Variants in CXADR observed in about 807,000 individuals in gnomAD.
The protein encoded by CXADR is CXADR cell adhesion molecule.
A neutral mutation model predicts 40.3 loss-of-function variants in CXADR; 20 were observed. The ratio of observed to expected loss-of-function variants is 0.50; its 90% CI spans 0.35 to 0.72. The LOEUF (loss-of-function observed/expected upper bound fraction) is 0.72, where lower values mean the gene tolerates loss of function less well. Ranked by LOEUF, CXADR falls within the 30% of genes least tolerant of loss-of-function variation. CXADR has a pLI of 0.01. For missense variants in CXADR, 332 were observed against 449.1 expected (o/e 0.74, Z 2.36); for synonymous variants, 150 against 161.3 (o/e 0.93, Z 0.53).
chr21:17,535,755 C>G (rs2060746943), intron 1 of CXADR, among the ~76,000 whole-genome samples: 1 of 152,156 alleles, frequency 6.6e-6, no homozygotes, highest in East Asian at 1.9e-4. Context: ...ACCTGTACTC[C>G]CAGCATTTTG....
Position 17,548,613 on chromosome 21 carries a change from G to A in CXADR, c.210+1420G>A, listed in dbSNP as rs75929524. 3.5e-3 allele frequency among the ~76,000 whole-genome samples: 529 copies of A among 151,972 alleles called. 16 individuals carry two copies. The East Asian group carries it at 0.076, about 22-fold the overall frequency. On this transcript the variant is annotated intron_variant, in intron 2 of 6. Transcript: ENST00000284878. ...CTTTAGAGCCCAGGACTCTGATCCT[G>A]TGCGTAAGATAGGGGAAGCCTAGGA...
At chr21:17,614,323 C>G in the CXADR span, among the ~76,000 whole-genome samples, 1 of 152,132 alleles carries the variant, frequency 6.6e-6, no homozygotes, top group East Asian at 1.9e-4. Flanking sequence ...CCAGAAATTT[C>G]TATAGTTTAG....
chr21:17,621,131 A>G, the CXADR span, among the ~76,000 whole-genome samples: 4 of 152,328 alleles, frequency 2.6e-5, no homozygotes, highest in East Asian at 5.8e-4. Flanking sequence ...ACATCTAGCA[A>G]TCTGGATGTG....
chr21:17,597,338 C>G (rs962479215), downstream of CXADR, among the ~76,000 whole-genome samples: 15 of 151,770 alleles, frequency 9.9e-5, no homozygotes, highest in African/African-American at 3.6e-4. Context: ...TGGATGAATT[C>G]CAGAAAATTC....
At position 17,569,701 on chromosome 21, in the gene CXADR, A is replaced by G. The variant is rs2061260125; in HGVS notation, c.*4009A>G. The G allele has an allele frequency of 1.0e-6, 1 of 965,446 alleles. No individual in the cohort carries two copies. Among genetic ancestry groups the G allele is most frequent in the Non-Finnish European group, 1.2e-6 (1 of 811,994 alleles). 59.8% of individuals were successfully genotyped at this position (965,446 alleles called of 1,614,324 possible). A position where few individuals can be genotyped will look rare whatever the true frequency, so the allele number is the denominator to read the frequency against. ...TCATTATGGTTAACTTTTATAATTT[A>G]TCTTATTTTATAATTTAAGAATATA... is the stretch of plus-strand genomic sequence containing the variant. On this transcript the variant is annotated 3_prime_UTR_variant, in exon 7 of 7. Transcript: ENST00000284878.
At chr21:17,610,901 A>G in the CXADR span, among the ~76,000 whole-genome samples, 1 of 152,200 alleles carries the variant, frequency 6.6e-6, no homozygotes, top group Non-Finnish European at 1.5e-5. Context: ...AAATTCAAAC[A>G]AGGAACCTCA....
At chr21:17,609,919 ACAAT>A in the CXADR span, among the ~76,000 whole-genome samples, 2 of 152,352 alleles carry the variant, frequency 1.3e-5, no homozygotes, top group South Asian at 2.1e-4. Flanking sequence ...AAAAGTAAAA[ACAAT>A]CTATATGTTT....
rs151316541 is a variant in CXADR at position 17,593,183 on chromosome 21, C to T, written c.1049C>T (p.Thr350Ile). 2.1e-6 allele frequency: 3 copies of T among 1,461,400 alleles called. No homozygotes were observed. In the East Asian group the frequency reaches 7.6e-5, roughly 37 times the overall value. 90.5% of individuals were successfully genotyped at this position (1,461,400 alleles called of 1,614,324 possible). A position where few individuals can be genotyped will look rare whatever the true frequency, so the allele number is the denominator to read the frequency against. The stretch of plus-strand genomic sequence containing the variant: ...TACCCTTACAAGACTGATGGAATTA[C>T]AGTTGTATAAATATGGACTACTGAA... The change falls in exon 8 of 8, where the codon ACA becomes ATA. Residue 350 changes from threonine (T) to isoleucine (I), a missense_variant. Physicochemically the swap from Thr to Ile is moderately conservative, Grantham distance 89. Transcript: ENST00000400169.
chr21:17,566,102 CATTT>C lies in CXADR; in HGVS notation c.*417_*420del, dbSNP rs968098094. ...ACCATTATTTTTAGGATGTGTATTT[CATTT>C]ATTTATGGCCCACCAGTCTCCCCCA... On this transcript the variant is annotated 3_prime_UTR_variant, in exon 7 of 7. Transcript: ENST00000284878. 2.0e-6 allele frequency: 2 copies of C among 983,362 alleles called. No individual in the cohort carries two copies. The highest frequency in any genetic ancestry group is 3.5e-5 in the African/African-American group (2 of 57,204). The allele number at this position is 983,362 out of a possible 1,614,324, so 60.9% of individuals were successfully genotyped here. A position where few individuals can be genotyped will look rare whatever the true frequency, so the allele number is the denominator to read the frequency against.
intron 1 of CXADR, among the ~76,000 whole-genome samples, chr21:17,526,364 A>T (rs116583682): frequency 0.015 from 2,319 of 152,160 alleles, 58 homozygotes; most frequent in African/African-American, 0.052. Context: ...CTTATTTCTT[A>T]CTTAATCTCT....
chr21:17,582,747 C>T (rs977339262), intron 7 of CXADR, among the ~76,000 whole-genome samples: 2 of 152,150 alleles, frequency 1.3e-5, no homozygotes, highest in Non-Finnish European at 2.9e-5. Context: ...TTCAAGTTGT[C>T]GGAATTTTTG....
chr21:17,629,763 G>A, the CXADR span, among the ~76,000 whole-genome samples: 1 of 152,204 alleles, frequency 6.6e-6, no homozygotes, highest in Non-Finnish European at 1.5e-5. Context: ...CTTGAGCCCA[G>A]GAGTTTGAGA....
chr21:17,600,686 TA>T, the CXADR span, among the ~76,000 whole-genome samples: 1 of 151,478 alleles, frequency 6.6e-6, no homozygotes. Context: ...AACAAAAAAT[TA>T]AAAAAACAGA....
chr21:17,609,262 T>C, the CXADR span: 4 of 1,045,546 alleles, frequency 3.8e-6, no homozygotes, highest in South Asian at 5.1e-5. Flanking sequence ...CTTCCAATTT[T>C]ATCTTGTATT....
chr21:17,541,589 C>T (rs984385456), intron 1 of CXADR, among the ~76,000 whole-genome samples: 5 of 149,288 alleles, frequency 3.3e-5, no homozygotes, highest in African/African-American at 1.2e-4. Flanking sequence ...ACCTATTCTC[C>T]TCTTCCCTCT....
intron 1 of CXADR, among the ~76,000 whole-genome samples, chr21:17,532,080 A>AC (rs779359217): frequency 1.3e-5 from 2 of 151,874 alleles, no homozygotes. Context: ...GCAGGCATGC[A>AC]CCACCACGTA....
chr21:17,549,305 T>C (rs1014423939), intron 2 of CXADR, among the ~76,000 whole-genome samples: 13 of 152,230 alleles, frequency 8.5e-5, no homozygotes, highest in Middle Eastern at 3.2e-3. Flanking sequence ...TCATTTGCAC[T>C]GTCCTCTGCT....
chr21:17,585,538 A>G (rs941130161), intron 7 of CXADR, among the ~76,000 whole-genome samples: 1 of 151,268 alleles, frequency 6.6e-6, no homozygotes, highest in African/African-American at 2.4e-5. Context: ...TTTTTTTTTG[A>G]GACCGAGTCT....
intron 1 of CXADR, among the ~76,000 whole-genome samples, chr21:17,537,136 T>A (rs890794644): frequency 6.6e-6 from 1 of 152,242 alleles, no homozygotes; most frequent in Non-Finnish European, 1.5e-5. Context: ...CTTTTACACA[T>A]AGAAGGAAAA....
Sources: allele counts gnomAD v4.1 joint callset (sites outside exome capture counted in the v4.1 genomes callset), GRCh38; gene constraint gnomAD v4.1.1; transcripts MANE v1.5; gene names NCBI Gene and HGNC (gene_info 2026-07-23, HGNC 2026-07-21).